Variants in SCTR observed in about 807,000 individuals in gnomAD.
SCTR encodes the protein secretin receptor.
SCTR carries 56 observed loss-of-function variants against 60.8 expected under a neutral mutation model. The observed-to-expected ratio is 0.92, with a 90% CI of 0.74 to 1.15. The LOEUF (loss-of-function observed/expected upper bound fraction) is 1.15. Ranked by LOEUF, SCTR falls within the 50% of genes most tolerant of loss-of-function variation. The pLI is 0.00. For synonymous variants in SCTR, 202 were observed against 217.0 expected, an observed-to-expected ratio of 0.93 and a Z score of 0.61; for missense variants, 562 against 550.4, an observed-to-expected ratio of 1.02 and a Z score of -0.21.
At chr2:119,471,110 G>C (rs1676990149) in intron 4 of SCTR, among the ~76,000 whole-genome samples, 1 of 152,152 alleles carries the variant, frequency 6.6e-6, no homozygotes, top group Non-Finnish European at 1.5e-5. Context: ...TGATTCTGTG[G>C]TGCTGCCTCA....
intron 2 of SCTR, chr2:119,486,867 G>C (rs1170483797): frequency 6.6e-6 from 1 of 152,274 alleles, no homozygotes; most frequent in Non-Finnish European, 1.5e-5. Flanking sequence ...GGTGAGCTGT[G>C]GGCAGCCGTG....
intron 1 of SCTR, among the ~76,000 whole-genome samples, chr2:119,512,099 G>A (rs2104942438): frequency 6.6e-6 from 1 of 152,254 alleles, no homozygotes; most frequent in East Asian, 1.9e-4. Flanking sequence ...TACTCAGTCA[G>A]CATTTCAATC....
intron 1 of SCTR, among the ~76,000 whole-genome samples, chr2:119,519,810 C>CAAAA (rs71396064): frequency 2.2e-4 from 13 of 57,824 alleles, no homozygotes; most frequent in Non-Finnish European, 4.0e-4. Flanking sequence ...GACTCTGTCT[C>CAAAA]AAAAAAAAAA....
At position 119,524,162 on chromosome 2, in the gene SCTR, G is replaced by A; in HGVS notation, c.65C>T (p.Ala22Val). The change falls in exon 1 of 13, where the codon GCG (alanine) becomes GTG (valine). Residue 22 changes from alanine to valine, a missense_variant. Transcript: ENST00000019103. ...GAAGGGCGCAGTACTCACCGAGTGC[G>A]CGGCGCAGGCGAGCAGCACCGGCAG... ...LLLPVLLACA[A>V]HSTGALPRLC... 6.5e-7 allele frequency: 1 copy of A among 1,536,184 alleles called. No homozygotes were observed. Among genetic ancestry groups the A allele is most frequent in the Non-Finnish European group, 8.8e-7 (1 of 1,139,880 alleles).
intron 1 of SCTR, among the ~76,000 whole-genome samples, chr2:119,497,731 T>C (rs951327695): frequency 6.6e-6 from 1 of 151,852 alleles, no homozygotes; most frequent in South Asian, 2.1e-4. Flanking sequence ...GCTCCGTGGA[T>C]GGGCTCAAAA....
At position 119,524,271 on chromosome 2, in the gene SCTR, G is replaced by T. The variant is rs1051944491; in HGVS notation, c.-45C>A. On this transcript the variant is annotated 5_prime_UTR_variant, in exon 1 of 13. Transcript: ENST00000019103. The stretch of plus-strand genomic sequence containing the variant: ...AGGGCGCCCCGACGTCCGCCTGCCC[G>T]TGCCCTCTGCCCGCTCGGGAGCTCA... The T allele has an allele frequency of 3.8e-6, 5 of 1,311,612 alleles. No homozygotes were observed. Among genetic ancestry groups the T allele is most frequent in the Non-Finnish European group, 5.0e-6 (5 of 1,001,242 alleles). 81.2% of individuals were successfully genotyped at this position (1,311,612 alleles called of 1,614,324 possible).
chr2:119,513,744 G>A (rs1679027246), intron 1 of SCTR, among the ~76,000 whole-genome samples: 1 of 152,112 alleles, frequency 6.6e-6, no homozygotes, highest in Admixed American at 6.5e-5. Context: ...TGTACTTCAA[G>A]GTTCTGAAGA....
chr2:119,443,490 C>T (rs1272945293), intron 11 of SCTR, among the ~76,000 whole-genome samples: 10 of 152,076 alleles, frequency 6.6e-5, no homozygotes. Context: ...AAAACTTTTC[C>T]TTATTTCCCA....
intron 6 of SCTR, among the ~76,000 whole-genome samples, chr2:119,463,789 T>C (rs1407315835): frequency 1.3e-5 from 2 of 152,020 alleles, no homozygotes; most frequent in Non-Finnish European, 2.9e-5. Context: ...CCAGACTGGG[T>C]CATCTTTCTT....
intron 2 of SCTR, among the ~76,000 whole-genome samples, chr2:119,489,610 CT>C (rs1678037395): frequency 6.6e-6 from 1 of 152,104 alleles, no homozygotes; most frequent in Non-Finnish European, 1.5e-5. Context: ...ACCAGGGGAG[CT>C]ATGGGCATTC....
intron 2 of SCTR, among the ~76,000 whole-genome samples, chr2:119,492,448 T>C (rs1678166647): frequency 6.6e-6 from 1 of 152,214 alleles, no homozygotes; most frequent in African/African-American, 2.4e-5. Context: ...CTCCATAAAA[T>C]AGATGTCAAA....
intron 2 of SCTR, among the ~76,000 whole-genome samples, chr2:119,494,215 A>C (rs567171751): frequency 1.1e-4 from 17 of 152,304 alleles, no homozygotes; most frequent in Non-Finnish European, 2.4e-4. Context: ...ACTTGCCCAG[A>C]GAAAGGAAGA....
At position 119,524,315 on chromosome 2, in the gene SCTR, C is replaced by G. The variant is rs911415555; in HGVS notation, c.-89G>C. ...GAGCTCAGCGCCCCGCGCAGGGTCC[C>G]GGGCTCCGGCCGGCCGCTGCGCCCC... On this transcript the variant is annotated 5_prime_UTR_variant, in exon 1 of 13. Transcript: ENST00000019103. 2.8e-5 allele frequency: 25 copies of G among 879,610 alleles called. No individual in the cohort carries two copies. Among genetic ancestry groups the G allele is most frequent in the Non-Finnish European group, 3.6e-5 (23 of 643,098 alleles). The allele number at this position is 879,610 out of a possible 1,614,324, so 54.5% of individuals were successfully genotyped here.
chr2:119,518,285 T>A (rs1679175420), intron 1 of SCTR, among the ~76,000 whole-genome samples: 2 of 151,192 alleles, frequency 1.3e-5, no homozygotes, highest in African/African-American at 4.9e-5. Flanking sequence ...GGGCAAGATG[T>A]TGGTTAGAAG....
chr2:119,485,244 A>G (rs1023033173), intron 2 of SCTR, among the ~76,000 whole-genome samples: 1 of 152,226 alleles, frequency 6.6e-6, no homozygotes, highest in African/African-American at 2.4e-5. Flanking sequence ...AGAAAGTTCT[A>G]TTTTTGCCCA....
intron 7 of SCTR, among the ~76,000 whole-genome samples, chr2:119,455,799 A>G (rs940140767): frequency 6.6e-6 from 1 of 152,206 alleles, no homozygotes; most frequent in Non-Finnish European, 1.5e-5. Flanking sequence ...GGAAAAAACA[A>G]TTAAATAGAT....
At chr2:119,456,773 G>T (rs111600203) in intron 7 of SCTR, among the ~76,000 whole-genome samples, 2,813 of 152,256 alleles carry the variant, frequency 0.018, 74 homozygotes, top group African/African-American at 0.065. Context: ...CTGGAGTATG[G>T]TGGGCCACTA....
chr2:119,456,342 G>A (rs920061741), intron 7 of SCTR, among the ~76,000 whole-genome samples: 3 of 152,100 alleles, frequency 2.0e-5, no homozygotes, highest in Non-Finnish European at 2.9e-5. Flanking sequence ...TTACAGGTGT[G>A]AGCCACTGTG....
At chr2:119,483,041 G>T (rs1165190188) in intron 2 of SCTR, among the ~76,000 whole-genome samples, 1 of 152,256 alleles carries the variant, frequency 6.6e-6, no homozygotes, top group East Asian at 1.9e-4. Flanking sequence ...ATTCAGTGCT[G>T]GCTGGACTGG....
Sources: gnomAD v4.1 joint callset for allele counts (sites outside exome capture counted in the v4.1 genomes callset) on GRCh38, gnomAD v4.1.1 for gene constraint, MANE v1.5 for transcripts, NCBI Gene and HGNC (gene_info 2026-07-23, HGNC 2026-07-21) for gene names.